Variants in IL16 observed in about 807,000 individuals in gnomAD.
IL16 encodes the protein interleukin 16, also known as pro-interleukin-16.
In IL16, 67 loss-of-function variants were observed where a neutral mutation model predicts 110.1. The ratio of observed to expected loss-of-function variants is 0.61; its 90% confidence interval spans 0.50 to 0.75. IL16 has a LOEUF of 0.75. Ranked by LOEUF, IL16 falls within the 30% of genes least tolerant of loss-of-function variation. The probability of loss-of-function intolerance (pLI) is 0.00; values close to 1 mark genes in which losing one functional copy is unlikely to be tolerated. For missense variants in IL16, 1,545 were observed against 1,655.0 expected (o/e 0.93, Z 1.15); for synonymous variants, 689 against 662.9 (o/e 1.04, Z -0.61).
intron 6 of IL16, among the ~76,000 whole-genome samples, chr15:81,274,290 T>A (rs1567030438): frequency 6.6e-6 from 1 of 152,226 alleles, no homozygotes; most frequent in African/African-American, 2.4e-5. Context: ...TCTAAATGGT[T>A]GAAAATTTAA....
intron 1 of IL16, among the ~76,000 whole-genome samples, chr15:81,203,260 A>G (rs1895889156): frequency 6.6e-6 from 1 of 151,898 alleles, no homozygotes; most frequent in African/African-American, 2.4e-5. Flanking sequence ...ATTTTCTCCC[A>G]TTCTGTCAGT....
Position 81,300,467 on chromosome 15 carries a change from C to A in IL16, c.3141C>A (p.Phe1047Leu). The A allele has an allele frequency of 1.2e-6, 2 of 1,609,730 alleles. No individual in the cohort carries two copies. The highest frequency in any genetic ancestry group is 1.7e-6 in the Non-Finnish European group (2 of 1,176,390). ...AAACATCTGCCTTGGACACAGGGTT[C>A]TCGCTCAAGTGAGTTTCTACACCCG... Reference protein sequence around the residue: ...SAETSALDTGFSLNLSELREY... With the variant: ...SAETSALDTGLSLNLSELREY... The change falls in exon 14 of 19, where the codon TTC (phenylalanine) becomes TTA (leucine). Residue 1047 changes from phenylalanine (F) to leucine (L), a missense_variant. Phe to Leu is a conservative substitution (Grantham distance 22). Coordinates refer to ENST00000683961, the MANE Select transcript of IL16 (RefSeq NM_172217.5).
intron 1 of IL16, among the ~76,000 whole-genome samples, chr15:81,202,393 G>T (rs1036355919): frequency 6.6e-6 from 1 of 152,110 alleles, no homozygotes; most frequent in Admixed American, 6.5e-5. Flanking sequence ...CCAAAAATAG[G>T]GTTTGAAGAG....
chr15:81,198,053 G>A (rs962492987), intron 1 of IL16, among the ~76,000 whole-genome samples: 1 of 152,120 alleles, frequency 6.6e-6, no homozygotes, highest in Non-Finnish European at 1.5e-5. Flanking sequence ...TTACCCTGAA[G>A]TTAAGTGATG....
rs1475326815 is a variant in IL16, at chr15:81,197,101, A to T, written c.-153A>T. On this transcript the variant is annotated 5_prime_UTR_variant, in exon 1 of 19. It adds an upstream start codon to the 5' untranslated region. Transcript: ENST00000683961. ...TGCTGGGCAGATGGAGAGAGGAGCA[A>T]GGGAGATGGCAGCCCCGGGGGACTG... is the stretch of plus-strand genomic sequence containing the variant. 2.3e-6 allele frequency: 3 copies of T among 1,288,790 alleles called. No homozygotes were observed. The African/African-American group carries it at 4.6e-5, about 20-fold the overall frequency. 79.8% of individuals were successfully genotyped at this position (1,288,790 alleles called of 1,614,324 possible).
rs1406258526 is a variant in IL16, at chr15:81,290,519, A to G, written c.1399A>G (p.Arg467Gly). 2 of 1,612,804 alleles carry G rather than the reference A, an allele frequency of 1.2e-6. No homozygotes were observed. The highest frequency in any genetic ancestry group is 1.7e-6 in the Non-Finnish European group (2 of 1,178,978). Residue 467 changes from arginine to glycine, a missense_variant, in exon 11 of 19, where the codon AGG (arginine) becomes GGG (glycine). By Grantham distance (125) the Arg-to-Gly change is moderately radical. Around this residue, in one of 3 missense-constraint regions of IL16, gnomAD observed 1,185 missense variants for 1,238.8 expected, o/e 0.96. Transcript: ENST00000683961. ...AVENTKFGKE[R>G]HQWSLEGVKR... Reference sequence around the variant, plus strand: ...GGAAAACACCAAGTTTGGAAAGGAGAGGCATCAGTGGAGTCTGGAAGGTAA... The same window carrying G: ...GGAAAACACCAAGTTTGGAAAGGAGGGGCATCAGTGGAGTCTGGAAGGTAA...
At chr15:81,227,326 G>A (rs754510718) in intron 2 of IL16, among the ~76,000 whole-genome samples, 4 of 152,196 alleles carry the variant, frequency 2.6e-5, no homozygotes, top group Admixed American at 2.6e-4. Flanking sequence ...TAAGGGGATA[G>A]AGAGTGATGA....
intron 1 of IL16, among the ~76,000 whole-genome samples, chr15:81,224,483 C>G (rs965889156): frequency 6.6e-6 from 1 of 152,164 alleles, no homozygotes; most frequent in African/African-American, 2.4e-5. Flanking sequence ...GTCTCTCTGG[C>G]TGTGAGAGTT....
rs1355034398 is a variant in IL16 at position 81,225,377 on chromosome 15, G to T, written c.-23G>T. On this transcript the variant is annotated 5_prime_UTR_variant, in exon 2 of 19. Coordinates refer to ENST00000683961, the MANE Select transcript of IL16 (RefSeq NM_172217.5). The stretch of plus-strand genomic sequence containing the variant: ...GCCAGAGACCAGGAAAGGAAGAAAG[G>T]CAGCTTCACTTCCTCTTTGAGGATG... 2 of 1,611,034 alleles carry T rather than the reference G, an allele frequency of 1.2e-6. No individual in the cohort carries two copies. Among genetic ancestry groups the T allele is most frequent in the East Asian group, 2.2e-5 (1 of 44,784 alleles).
At chr15:81,227,076 C>G (rs1426355709) in intron 2 of IL16, among the ~76,000 whole-genome samples, 1 of 152,010 alleles carries the variant, frequency 6.6e-6, no homozygotes, top group African/African-American at 2.4e-5. Context: ...GAAAAATACA[C>G]TACAAGAGGG....
intron 11 of IL16, among the ~76,000 whole-genome samples, chr15:81,290,989 C>T (rs1300006354): frequency 6.6e-6 from 1 of 152,190 alleles, no homozygotes; most frequent in Admixed American, 6.5e-5. Flanking sequence ...CTAATTCATG[C>T]ATTCACACAT....
chr15:81,292,241 A>G (rs1434535140), intron 11 of IL16: 43 of 408,898 alleles, frequency 1.1e-4, no homozygotes, highest in Non-Finnish European at 2.8e-5. Context: ...AGGGACCCAC[A>G]GCTGAAAGTA....
chr15:81,306,581 G>T lies in IL16; in HGVS notation c.3805+36G>T, dbSNP rs372207129. 9.5e-5 allele frequency: 153 copies of T among 1,606,828 alleles called. No individual in the cohort carries two copies. The African/African-American group carries it at 1.9e-3, about 20-fold the overall frequency. On this transcript the variant is annotated intron_variant, in intron 18 of 18. Coordinates refer to ENST00000683961, the MANE Select transcript of IL16 (RefSeq NM_172217.5). ...TGTCTGGTTCTTTGCGTGCTCTCCA[G>T]TTGTGGGCATGTGGCCAGGCCCCCA...
rs572369992 is a variant in IL16, at chr15:81,231,075, A to G, written c.312+5364A>G. Among the ~76,000 whole-genome samples the G allele has an allele frequency of 3.3e-5, 5 of 152,228 alleles. No homozygotes were observed. The South Asian group carries it at 1.0e-3, about 32-fold the overall frequency. ...ATTTTCTGGCTGGGCACAGTGGCTCATGCCTGTAATCCCAGAATTTTGGGA... is the reference window on the plus strand; with the variant it reads ...ATTTTCTGGCTGGGCACAGTGGCTCGTGCCTGTAATCCCAGAATTTTGGGA... On this transcript the variant is annotated intron_variant, in intron 2 of 18. Coordinates refer to ENST00000683961, the MANE Select transcript of IL16 (RefSeq NM_172217.5).
intron 1 of IL16, among the ~76,000 whole-genome samples, chr15:81,190,710 A>C (rs1003845634): frequency 5.9e-5 from 9 of 152,194 alleles, no homozygotes; most frequent in African/African-American, 1.9e-4. Flanking sequence ...AAAGAAGCTG[A>C]AAAATCCAGT....
At position 81,306,438 on chromosome 15, in the gene IL16, G is replaced by T. The variant is rs1202393103; in HGVS notation, c.3698G>T (p.Cys1233Phe). 6.2e-7 allele frequency: 1 copy of T among 1,614,118 alleles called. No individual in the cohort carries two copies. The highest frequency in any genetic ancestry group is 8.5e-7 in the Non-Finnish European group (1 of 1,180,026). The change falls in exon 18 of 19, where the codon TGC (cysteine) becomes TTC (phenylalanine). Residue 1233 changes from cysteine to phenylalanine, a missense_variant. Physicochemically the swap from Cys to Phe is radical, Grantham distance 205 (BLOSUM62 -2). This residue lies in a region of IL16 where 356 missense variants were observed against 399.3 expected (regional missense o/e 0.89). Coordinates refer to ENST00000683961, the MANE Select transcript of IL16 (RefSeq NM_172217.5). ...SVESTAEATV[C>F]TVTLEKMSAG... is the part of the protein sequence containing the mutation. ...TTCTCAGCAGCAGAGGCCACAGTCT[G>T]CACGGTGACACTGGAGAAGATGTCG...
At chr15:81,265,398 C>T (rs1462643577) in intron 3 of IL16, among the ~76,000 whole-genome samples, 1 of 152,150 alleles carries the variant, frequency 6.6e-6, no homozygotes, top group African/African-American at 2.4e-5. Context: ...TGCCTGTCAA[C>T]TCTTGTTGCA....
In IL16 at chr15:81,292,798, C is replaced by T; in HGVS notation, c.1663C>T (p.Leu555Phe). ...SLPLAREPVV[L>F]SIASSRLPQE... Reference sequence around the variant, plus strand: ...GCCTCTGGCACGGGAGCCAGTGGTGCTTTCTATAGCATCCTCCAGGCTGCC... The same window carrying T: ...GCCTCTGGCACGGGAGCCAGTGGTGTTTTCTATAGCATCCTCCAGGCTGCC... The change falls in exon 12 of 19, where the codon CTT (leucine) becomes TTT (phenylalanine). Residue 555 changes from leucine (L) to phenylalanine (F), a missense_variant. This residue lies in a region of IL16 where 1,185 missense variants were observed against 1,238.8 expected (regional missense o/e 0.96). Coordinates refer to ENST00000683961, the MANE Select transcript of IL16 (RefSeq NM_172217.5). The T allele has an allele frequency of 6.2e-7, 1 of 1,614,148 alleles. No individual in the cohort carries two copies. The highest frequency in any genetic ancestry group is 2.2e-5 in the East Asian group (1 of 44,882).
In IL16 at chr15:81,300,299, C is replaced by T. The variant is rs767486323; in HGVS notation, c.2973C>T (p.Ser991=). 4.3e-6 allele frequency: 7 copies of T among 1,614,238 alleles called. No homozygotes were observed. The East Asian group carries it at 1.3e-4, about 31-fold the overall frequency. Residue 991 remains serine (S), a synonymous_variant, in exon 14 of 19, where the codon AGC becomes AGT. Transcript: ENST00000683961. ...DEKTSKLYSI[S]SQVSSAVMKS... ...AGACCAGCAAACTCTATTCTATCAGCAGCCAAGTGTCATCGGCTGTCATGA... is the reference window on the plus strand; with the variant it reads ...AGACCAGCAAACTCTATTCTATCAGTAGCCAAGTGTCATCGGCTGTCATGA...
Sources: gnomAD v4.1 joint callset for allele counts (sites outside exome capture counted in the v4.1 genomes callset) on GRCh38, gnomAD v4.1.1 for gene constraint, gnomAD v4.1.1 regional missense constraint, MANE v1.5 for transcripts, NCBI Gene and HGNC (gene_info 2026-07-23, HGNC 2026-07-21) for gene names.